Variants in SLAIN2 observed in about 807,000 individuals in gnomAD.
The protein encoded by SLAIN2 is SLAIN family member 2, also known as SLAIN motif-containing protein 2.
Under a neutral mutation model 56.6 loss-of-function variants are expected in SLAIN2, and 31 were observed. The observed-to-expected ratio is 0.55, with a 90% CI of 0.41 to 0.74. The LOEUF (loss-of-function observed/expected upper bound fraction) is 0.74. SLAIN2 is among the 30% of genes least tolerant of loss of function. The pLI, the probability that SLAIN2 is intolerant of heterozygous loss-of-function variation, is 0.00. For missense variants in SLAIN2, 777 were observed against 754.2 expected, an observed-to-expected ratio of 1.03 and a Z score of -0.35; for synonymous variants, 317 against 284.9, an observed-to-expected ratio of 1.11 and a Z score of -1.13.
At chr4:48,400,808 C>CT (rs1475666384) in intron 6 of SLAIN2, among the ~76,000 whole-genome samples, 2 of 151,654 alleles carry the variant, frequency 1.3e-5, no homozygotes, top group Non-Finnish European at 2.9e-5. Flanking sequence ...TTTCTTGTCT[C>CT]TATCTCCTTC....
At chr4:48,387,166 G>A (rs1265819778) in intron 6 of SLAIN2, among the ~76,000 whole-genome samples, 1 of 152,044 alleles carries the variant, frequency 6.6e-6, no homozygotes, top group Non-Finnish European at 1.5e-5. Flanking sequence ...GCATGTCAAA[G>A]CTTTATGGAA....
At position 48,425,200 on chromosome 4, in the gene SLAIN2, G is replaced by C. The variant is rs571534768; in HGVS notation, c.*3123G>C. Reference sequence around the variant, plus strand: ...TTGGATTATGTCTTATATTTTCTCTGTCAGAGTTATTTCATATATGGATTT... The same window carrying C: ...TTGGATTATGTCTTATATTTTCTCTCTCAGAGTTATTTCATATATGGATTT... On this transcript the variant is annotated 3_prime_UTR_variant, in exon 8 of 8. Transcript: ENST00000264313. 4 of 151,880 alleles carry C rather than the reference G, an allele frequency of 2.6e-5. No individual in the cohort carries two copies. Among genetic ancestry groups the C allele is most frequent in the Non-Finnish European group, 4.4e-5 (3 of 67,932 alleles). 9.4% of individuals were successfully genotyped at this position (151,880 alleles called of 1,614,324 possible). A position where few individuals can be genotyped will look rare whatever the true frequency, so the allele number is the denominator to read the frequency against.
chr4:48,393,987 A>G (rs1050150753), intron 6 of SLAIN2, among the ~76,000 whole-genome samples: 4 of 152,182 alleles, frequency 2.6e-5, no homozygotes, highest in African/African-American at 9.7e-5. Context: ...CCCCACTTGC[A>G]TACGTATGTG....
chr4:48,364,079 C>T (rs1162376415), intron 1 of SLAIN2, among the ~76,000 whole-genome samples: 15 of 75,640 alleles, frequency 2.0e-4, no homozygotes, highest in Admixed American at 1.6e-3. Flanking sequence ...ACTTCTCAGA[C>T]GGGGCAGCTG....
chr4:48,363,967 A>C, intron 1 of SLAIN2, among the ~76,000 whole-genome samples: 1 of 92,344 alleles, frequency 1.1e-5, no homozygotes, highest in Admixed American at 9.5e-5. Flanking sequence ...CTGGCCGGGC[A>C]GGGGGCTGAC....
intron 6 of SLAIN2, among the ~76,000 whole-genome samples, chr4:48,410,964 CTT>C (rs1413745554): frequency 6.6e-6 from 1 of 152,210 alleles, no homozygotes; most frequent in African/African-American, 2.4e-5. Flanking sequence ...GGCTCCTCCT[CTT>C]CCTCCTCCTC....
At chr4:48,359,626 A>T (rs148339841) in intron 1 of SLAIN2, among the ~76,000 whole-genome samples, 79 of 152,276 alleles carry the variant, frequency 5.2e-4, no homozygotes, top group African/African-American at 1.8e-3. Flanking sequence ...TTGGAGTGTA[A>T]TTTTGGTAGA....
chr4:48,363,728 G>C (rs1468544179), intron 1 of SLAIN2, among the ~76,000 whole-genome samples: 1 of 111,910 alleles, frequency 8.9e-6, no homozygotes, highest in Non-Finnish European at 2.1e-5. Context: ...CAGACGGGGC[G>C]GCTGGCCAGG....
chr4:48,373,763 G>A (rs574139418), intron 2 of SLAIN2, among the ~76,000 whole-genome samples: 4 of 152,232 alleles, frequency 2.6e-5, no homozygotes, highest in South Asian at 2.1e-4. Context: ...AGATGTGGCC[G>A]GGCGCAGTGG....
chr4:48,360,709 A>G (rs1205144610), intron 1 of SLAIN2, among the ~76,000 whole-genome samples: 2 of 152,244 alleles, frequency 1.3e-5, no homozygotes, highest in Non-Finnish European at 2.9e-5. Flanking sequence ...ATTTAGTTTT[A>G]TAGTATTTTC....
chr4:48,368,803 A>T (rs1031503040), intron 1 of SLAIN2, among the ~76,000 whole-genome samples: 8 of 152,284 alleles, frequency 5.3e-5, no homozygotes, highest in African/African-American at 1.9e-4. Flanking sequence ...AGCCTTGATG[A>T]TCTTGATCAA....
chr4:48,383,176 A>G (rs1388822547), intron 5 of SLAIN2, among the ~76,000 whole-genome samples: 1 of 151,718 alleles, frequency 6.6e-6, no homozygotes, highest in Non-Finnish European at 1.5e-5. Flanking sequence ...TTCAAAAAAA[A>G]AAAAAAAAAA....
chr4:48,381,482 G>A (rs1715971177), intron 4 of SLAIN2, among the ~76,000 whole-genome samples: 1 of 152,128 alleles, frequency 6.6e-6, no homozygotes, highest in Non-Finnish European at 1.5e-5. Context: ...AGAAATGCAA[G>A]CTCCTATAGT....
At chr4:48,346,618 T>C (rs1284943774) in intron 1 of SLAIN2, among the ~76,000 whole-genome samples, 2 of 152,234 alleles carry the variant, frequency 1.3e-5, no homozygotes, top group Admixed American at 6.5e-5. Context: ...TAATTTAATT[T>C]GGTAAGCCTA....
intron 6 of SLAIN2, among the ~76,000 whole-genome samples, chr4:48,395,617 A>G (rs1463698607): frequency 6.6e-6 from 1 of 152,164 alleles, no homozygotes; most frequent in Non-Finnish European, 1.5e-5. Context: ...GGCAAATAAA[A>G]AAGCAGAATG....
chr4:48,409,621 C>T (rs185058644), intron 6 of SLAIN2, among the ~76,000 whole-genome samples: 5 of 152,138 alleles, frequency 3.3e-5, no homozygotes, highest in African/African-American at 7.2e-5. Flanking sequence ...CGGTGGCTCA[C>T]GCCTGTAATC....
chr4:48,413,714 A>G (rs992057599), intron 6 of SLAIN2, among the ~76,000 whole-genome samples: 1 of 152,154 alleles, frequency 6.6e-6, no homozygotes, highest in Admixed American at 6.6e-5. Context: ...GTGTTTGGCA[A>G]TGTGTTTATT....
chr4:48,355,175 C>G (rs1167467036), intron 1 of SLAIN2, among the ~76,000 whole-genome samples: 1 of 152,186 alleles, frequency 6.6e-6, no homozygotes, highest in East Asian at 1.9e-4. Flanking sequence ...CCACTACACC[C>G]AGCCAAAAAT....
chr4:48,410,919 A>G (rs1271345989), intron 6 of SLAIN2, among the ~76,000 whole-genome samples: 1 of 152,206 alleles, frequency 6.6e-6, no homozygotes, highest in Non-Finnish European at 1.5e-5. Context: ...TGCAGAATGC[A>G]GCAAGGAAGG....
Sources: allele counts gnomAD v4.1 joint callset (sites outside exome capture counted in the v4.1 genomes callset), GRCh38; gene constraint gnomAD v4.1.1; transcripts MANE v1.5; gene names NCBI Gene and HGNC (gene_info 2026-07-23, HGNC 2026-07-21).